Variants in NTM observed in about 807,000 individuals in gnomAD.
NTM encodes neurotrimin.
In NTM, 13 loss-of-function variants were observed where a neutral mutation model predicts 42.1. That is an observed-to-expected ratio of 0.31 (90% CI 0.20 to 0.49). The LOEUF (loss-of-function observed/expected upper bound fraction) is 0.49. Ranked by LOEUF, NTM falls within the 20% of genes least tolerant of loss-of-function variation. The pLI, the probability that NTM is intolerant of heterozygous loss-of-function variation, is 0.99. For missense variants in NTM, 373 were observed against 452.8 expected (o/e 0.82, Z 1.60); for synonymous variants, 187 against 179.2 (o/e 1.04, Z -0.35).
chr11:131,668,263 T>TCTAC (rs1202764608), intron 1 of NTM, among the ~76,000 whole-genome samples: 2 of 149,490 alleles, frequency 1.3e-5, no homozygotes, highest in African/African-American at 2.5e-5. Context: ...TATCTATCTA[T>TCTAC]CTATCTATCT....
At chr11:131,944,618 T>G (rs545710833) in intron 2 of NTM, among the ~76,000 whole-genome samples, 2 of 152,338 alleles carry the variant, frequency 1.3e-5, no homozygotes, top group East Asian at 3.9e-4. Flanking sequence ...CCATCTGAAT[T>G]GCAACATGCA....
intron 8 of NTM, among the ~76,000 whole-genome samples, chr11:132,333,044 G>A (rs1169718019): frequency 6.6e-6 from 1 of 152,198 alleles, no homozygotes; most frequent in Admixed American, 6.5e-5. Flanking sequence ...GATGAAAGAG[G>A]CAGAGCAGTG....
intron 1 of NTM, among the ~76,000 whole-genome samples, chr11:131,734,569 C>G (rs566231909): frequency 1.3e-5 from 2 of 152,240 alleles, no homozygotes; most frequent in South Asian, 4.2e-4. Context: ...AGGACGCAGT[C>G]AAGAATGCCT....
intron 2 of NTM, among the ~76,000 whole-genome samples, chr11:132,082,354 G>A (rs2059183122): frequency 1.3e-5 from 2 of 152,106 alleles, no homozygotes; most frequent in Admixed American, 1.3e-4. Flanking sequence ...TGAATACCAA[G>A]CCACCATTCA....
At chr11:131,618,039 T>C (rs533126207) in intron 1 of NTM, among the ~76,000 whole-genome samples, 2 of 152,112 alleles carry the variant, frequency 1.3e-5, no homozygotes, top group Non-Finnish European at 2.9e-5. Context: ...GAGAAATAGG[T>C]AGGGAGTTGG....
intron 1 of NTM, among the ~76,000 whole-genome samples, chr11:131,733,963 G>C (rs2080075152): frequency 6.6e-6 from 1 of 152,152 alleles, no homozygotes; most frequent in Non-Finnish European, 1.5e-5. Flanking sequence ...ATGTTGTAAA[G>C]AGTAGTGTTG....
intron 1 of NTM, among the ~76,000 whole-genome samples, chr11:131,844,892 A>G (rs1410721866): frequency 1.3e-5 from 2 of 152,326 alleles, no homozygotes; most frequent in South Asian, 2.1e-4. Context: ...ATAGATAATC[A>G]TATCATTAGG....
intron 1 of NTM, among the ~76,000 whole-genome samples, chr11:131,559,250 T>C (rs1197718507): frequency 1.3e-5 from 2 of 152,240 alleles, no homozygotes; most frequent in African/African-American, 2.4e-5. Context: ...TCTAAAACTC[T>C]TCTTTTTATT....
intron 2 of NTM, among the ~76,000 whole-genome samples, chr11:132,128,386 TAC>T (rs1252265243): frequency 6.6e-6 from 1 of 152,158 alleles, no homozygotes; most frequent in Non-Finnish European, 1.5e-5. Context: ...TAGTCCTGTT[TAC>T]TCTCTCAGCT....
intron 4 of NTM, among the ~76,000 whole-genome samples, chr11:132,282,065 C>T (rs1449959058): frequency 6.6e-6 from 1 of 151,934 alleles, no homozygotes; most frequent in Non-Finnish European, 1.5e-5. Context: ...GCTATTTTAC[C>T]TCAAAAAATA....
chr11:131,881,152 G>A (rs1352752869), intron 1 of NTM, among the ~76,000 whole-genome samples: 2 of 152,050 alleles, frequency 1.3e-5, no homozygotes, highest in African/African-American at 2.4e-5. Flanking sequence ...GGAGGCCTTC[G>A]CTCAGCTGTG....
At chr11:131,987,153 GTC>G (rs2066196803) in intron 2 of NTM, among the ~76,000 whole-genome samples, 1 of 152,234 alleles carries the variant, frequency 6.6e-6, no homozygotes, top group East Asian at 1.9e-4. Context: ...GCAGTTATTT[GTC>G]TAAAGTTGTA....
chr11:131,782,440 AAC>A (rs2088335700), intron 1 of NTM, among the ~76,000 whole-genome samples: 1 of 152,194 alleles, frequency 6.6e-6, no homozygotes, highest in South Asian at 2.1e-4. Flanking sequence ...AGGAAATAAT[AAC>A]AAATCTATAG....
intron 2 of NTM, among the ~76,000 whole-genome samples, chr11:132,104,157 T>C (rs534996285): frequency 6.6e-6 from 1 of 152,280 alleles, no homozygotes; most frequent in African/African-American, 2.4e-5. Context: ...TAGAAAGAAG[T>C]AATCCTAAGA....
chr11:131,874,028 ATAATAT>A (rs2048200821), intron 1 of NTM, among the ~76,000 whole-genome samples: 1 of 60,118 alleles, frequency 1.7e-5, no homozygotes, highest in Non-Finnish European at 3.6e-5. Flanking sequence ...ATAATATAAT[ATAATAT>A]ATATATATAT....
intron 1 of NTM, among the ~76,000 whole-genome samples, chr11:131,656,333 A>T (rs1277795952): frequency 6.6e-6 from 1 of 152,228 alleles, no homozygotes; most frequent in African/African-American, 2.4e-5. Flanking sequence ...TTGCCTAAAA[A>T]TACTGCACCT....
intron 1 of NTM, among the ~76,000 whole-genome samples, chr11:131,570,684 G>A (rs1032701729): frequency 3.3e-5 from 5 of 152,142 alleles, no homozygotes; most frequent in African/African-American, 7.2e-5. Context: ...TTAGCCAGGC[G>A]TGGTGGTGCG....
intron 2 of NTM, among the ~76,000 whole-genome samples, chr11:132,115,256 A>T (rs1481356452): frequency 6.6e-6 from 1 of 152,156 alleles, no homozygotes; most frequent in Non-Finnish European, 1.5e-5. Context: ...ACAGTACTGG[A>T]TAGTATACTT....
At chr11:132,210,123 C>T (rs1235289130) in intron 3 of NTM, among the ~76,000 whole-genome samples, 2 of 152,212 alleles carry the variant, frequency 1.3e-5, no homozygotes, top group African/African-American at 4.8e-5. Context: ...CATCGTGCAG[C>T]TTCCCTGGGC....
Sources: gnomAD v4.1 joint callset for allele counts (sites outside exome capture counted in the v4.1 genomes callset) on GRCh38, gnomAD v4.1.1 for gene constraint, MANE v1.5 for transcripts, NCBI Gene and HGNC (gene_info 2026-07-23, HGNC 2026-07-21) for gene names.